The following F5 variants were observed in gnomAD, a reference collection of about 807,000 sequenced individuals.
F5 encodes activated protein c cofactor.
A neutral mutation model predicts 216.4 loss-of-function variants in F5; 138 were observed. The observed-to-expected ratio is 0.64, with a 90% confidence interval of 0.56 to 0.73. F5 has a LOEUF of 0.73. Ranked by LOEUF, F5 falls within the 30% of genes least tolerant of loss-of-function variation. F5 has a pLI of 0.00. For synonymous variants in F5, 916 were observed against 930.7 expected (o/e 0.98, Z 0.29); for missense variants, 2,403 against 2,674.0 (o/e 0.90, Z 2.24).
In F5 at chr1:169,518,272, G is replaced by A. The variant is rs1225209689; in HGVS notation, c.6345+140C>T. Reference sequence around the variant, plus strand: ...AAGCTATCAAGTCCACAGACATCCTGGACTCTTGGACCTAGGATTTTAATC... The same window carrying A: ...AAGCTATCAAGTCCACAGACATCCTAGACTCTTGGACCTAGGATTTTAATC... On this transcript the variant is annotated intron_variant, in intron 23 of 24. Coordinates refer to ENST00000367797, the MANE Select transcript of F5 (RefSeq NM_000130.5). The A allele has an allele frequency of 5.2e-6, 5 of 955,606 alleles. No homozygotes were observed. In the East Asian group the frequency reaches 1.2e-4, roughly 24 times the overall value. 59.2% of individuals were successfully genotyped at this position (955,606 alleles called of 1,614,324 possible).
intron 22 of F5, among the ~76,000 whole-genome samples, chr1:169,519,420 A>C (rs1659232377): frequency 6.6e-6 from 1 of 152,172 alleles, no homozygotes; most frequent in African/African-American, 2.4e-5. Context: ...ATCTATTTAT[A>C]CCATATGGAA....
intron 23 of F5, among the ~76,000 whole-genome samples, chr1:169,516,146 CT>C (rs1659149428): frequency 3.3e-5 from 5 of 152,248 alleles, no homozygotes; most frequent in South Asian, 2.1e-4. Flanking sequence ...CTCTTTCCCC[CT>C]GTTAATGTCA....
At position 169,550,045 on chromosome 1, in the gene F5, C is replaced by T. The variant is rs760576933; in HGVS notation, c.1397-30G>A. ...AAGAAAATATATTCAAAATTGTTTTCATTTGCAAAGTTATTTCATGATAAT... is the reference window on the plus strand; with the variant it reads ...AAGAAAATATATTCAAAATTGTTTTTATTTGCAAAGTTATTTCATGATAAT... On this transcript the variant is annotated intron_variant, in intron 9 of 24. Coordinates refer to ENST00000367797, the MANE Select transcript of F5 (RefSeq NM_000130.5). The T allele has an allele frequency of 3.2e-6, 5 of 1,565,198 alleles. No homozygotes were observed. The South Asian group carries it at 5.6e-5, about 17-fold the overall frequency.
rs924877893 is a variant in F5, at chr1:169,548,648, A to G, written c.1611+1153T>C. Reference sequence around the variant, plus strand: ...TTTGGGAGGCTGAGGCAGGTGGAACACCTTAGGTCAGGAGTTCGAGACCAG... The same window carrying G: ...TTTGGGAGGCTGAGGCAGGTGGAACGCCTTAGGTCAGGAGTTCGAGACCAG... On this transcript the variant is annotated intron_variant, in intron 10 of 24. Coordinates refer to ENST00000367797, the MANE Select transcript of F5 (RefSeq NM_000130.5). 2.6e-5 allele frequency among the ~76,000 whole-genome samples: 4 copies of G among 152,096 alleles called. No homozygotes were observed. The East Asian group carries it at 7.7e-4, about 29-fold the overall frequency.
At position 169,549,790 on chromosome 1, in the gene F5, G is replaced by A. The variant is rs1376251791; in HGVS notation, c.1611+11C>T. ...CAGAATTTCTGAAAGGTTACTTCAAGGACAAAATACCTGTATTCCTCGCCT... is the reference window on the plus strand; with the variant it reads ...CAGAATTTCTGAAAGGTTACTTCAAAGACAAAATACCTGTATTCCTCGCCT... On this transcript the variant is annotated intron_variant, in intron 10 of 24. Transcript: ENST00000367797. 6.2e-7 allele frequency: 1 copy of A among 1,604,788 alleles called. No individual in the cohort carries two copies. The highest frequency in any genetic ancestry group is 2.2e-5 in the East Asian group (1 of 44,796).
At chr1:169,536,320 T>C (rs1455087905) in intron 14 of F5, among the ~76,000 whole-genome samples, 186 bp downstream of exon 14, 2 of 75,966 alleles carry the variant, frequency 2.6e-5, no homozygotes, top group African/African-American at 4.9e-5. Context: ...AAATGAGATC[T>C]TTTTTTTTTT....
rs903569717 is a variant in F5, at chr1:169,513,909, A to G, written c.*404T>C. ...ACTCAAGAAAAACCATTAAAAAATC[A>G]TGTGTTTGTGAAAGTTATCCAGGTC... On this transcript the variant is annotated 3_prime_UTR_variant, in exon 25 of 25. Coordinates refer to ENST00000367797, the MANE Select transcript of F5 (RefSeq NM_000130.5). Among the ~76,000 whole-genome samples the G allele has an allele frequency of 1.3e-5, 2 of 152,144 alleles. No homozygotes were observed. Among genetic ancestry groups the G allele is most frequent in the African/African-American group, 4.8e-5 (2 of 41,456 alleles).
intron 23 of F5, 124 bp from the exon 24 acceptor site, chr1:169,515,750 TCA>T (rs1308520086): frequency 4.4e-6 from 4 of 915,632 alleles, no homozygotes; most frequent in Non-Finnish European, 6.8e-6. Context: ...CCCTTAGGAT[TCA>T]CAGTCTCCTA....
At chr1:169,518,941 A>T (rs1462138444) in intron 22 of F5, among the ~76,000 whole-genome samples, 1 of 152,214 alleles carries the variant, frequency 6.6e-6, no homozygotes, top group Non-Finnish European at 1.5e-5. Context: ...CAATAATCCT[A>T]AATTATCTAT....
chr1:169,542,656 G>T lies in F5; in HGVS notation c.2434C>A (p.His812Asn), dbSNP rs1310289906. 3 of 1,614,124 alleles carry T rather than the reference G, an allele frequency of 1.9e-6. No homozygotes were observed. Among genetic ancestry groups the T allele is most frequent in the Middle Eastern group, 1.6e-4 (1 of 6,062 alleles). ...AGAACTGAGTTCTTGCCAATGAGGT[G>T]TCTCAGTGGGGAACCAGCTGTGGTG... ...QATTAGSPLR[H>N]LIGKNSVLNS... The change falls in exon 13 of 25, where the codon CAC (histidine) becomes AAC (asparagine). Residue 812 changes from histidine (H) to asparagine (N), a missense_variant. Physicochemically the swap from His to Asn is moderately conservative, Grantham distance 68. Around this residue, in one of 4 missense-constraint regions of F5, gnomAD observed 1,425 missense variants for 1,554.8 expected, o/e 0.92. Coordinates refer to ENST00000367797, the MANE Select transcript of F5 (RefSeq NM_000130.5).
rs1464746280 is a variant in F5, at chr1:169,529,696, A to AT, written c.5330dup (p.Asp1777GlufsTer2). 1.9e-6 allele frequency: 3 copies of AT among 1,613,860 alleles called. No homozygotes were observed. The highest frequency in any genetic ancestry group is 2.5e-6 in the Non-Finnish European group (3 of 1,179,820). ...TTTCATAGTACCAGCTCTTCTTTTC[A>AT]TCAAAGGTCATAAATAGTAAGACAA... On this transcript the variant is annotated frameshift_variant, in exon 16 of 25. Coordinates refer to ENST00000367797, the MANE Select transcript of F5 (RefSeq NM_000130.5). LOFTEE classifies it high-confidence loss of function.
chr1:169,553,536 A>G (rs371862856), intron 7 of F5, among the ~76,000 whole-genome samples: 16 of 152,262 alleles, frequency 1.1e-4, no homozygotes, highest in South Asian at 6.2e-4. Flanking sequence ...GTGAAACCCC[A>G]TCTCTACTAA....
chr1:169,554,526 C>T (rs1660265387), intron 7 of F5, among the ~76,000 whole-genome samples: 1 of 152,200 alleles, frequency 6.6e-6, no homozygotes, highest in African/African-American at 2.4e-5. Context: ...GTACATACAT[C>T]ATTTCACCTG....
In F5 at chr1:169,586,459, C is replaced by G. The variant is rs1275972145; in HGVS notation, c.-73G>C. 6.4e-7 allele frequency: 1 copy of G among 1,557,288 alleles called. No homozygotes were observed. The highest frequency in any genetic ancestry group is 8.7e-7 in the Non-Finnish European group (1 of 1,155,852). ...AGCGCTTGCCGAGCTGCTAACCACACTCCGGGCTGTCCCAGCTGCAATGAG... is the reference window on the plus strand; with the variant it reads ...AGCGCTTGCCGAGCTGCTAACCACAGTCCGGGCTGTCCCAGCTGCAATGAG... On this transcript the variant is annotated 5_prime_UTR_variant, in exon 1 of 25. Coordinates refer to ENST00000367797, the MANE Select transcript of F5 (RefSeq NM_000130.5).
chr1:169,580,198 C>T (rs1660957152), intron 2 of F5, among the ~76,000 whole-genome samples: 1 of 152,090 alleles, frequency 6.6e-6, no homozygotes, highest in Non-Finnish European at 1.5e-5. Flanking sequence ...GGAGATAGGT[C>T]TCCTATGTCC....
At position 169,572,259 on chromosome 1, in the gene F5, A is replaced by T; in HGVS notation, c.335T>A (p.Ile112Asn). 6.2e-7 allele frequency: 1 copy of T among 1,613,180 alleles called. No individual in the cohort carries two copies. The highest frequency in any genetic ancestry group is 8.5e-7 in the Non-Finnish European group (1 of 1,179,598). ...ACTGTACCTAATTCCTTGAGGATGG[A>T]TGCTCAAGGGCTTATCTGCCTTATT... ...FKNKADKPLS[I>N]HPQGIRYSKL... is the part of the protein sequence containing the mutation. Residue 112 changes from isoleucine to asparagine, a missense_variant, in exon 3 of 25, where the codon ATC (isoleucine) becomes AAC (asparagine). Ile to Asn is a moderately radical substitution (Grantham distance 149). This residue lies in a region of F5 where 1,425 missense variants were observed against 1,554.8 expected (regional missense o/e 0.92). Transcript: ENST00000367797.
intron 23 of F5, among the ~76,000 whole-genome samples, chr1:169,516,663 A>G (rs934116348): frequency 1.3e-5 from 2 of 152,228 alleles, no homozygotes; most frequent in Admixed American, 1.3e-4. Context: ...GAGTATAACC[A>G]GCTAGAGGTT....
intron 14 of F5, among the ~76,000 whole-genome samples, chr1:169,533,501 C>A (rs953253181): frequency 6.6e-6 from 1 of 152,102 alleles, no homozygotes; most frequent in Non-Finnish European, 1.5e-5. Context: ...ATGTATCTGA[C>A]AAAGGTCTAA....
intron 10 of F5, among the ~76,000 whole-genome samples, chr1:169,548,757 T>C (rs1283106896): frequency 6.6e-6 from 1 of 151,440 alleles, no homozygotes; most frequent in Admixed American, 6.6e-5. Context: ...TAATCCCAGC[T>C]ACTCAAGAGA....
Sources: allele counts gnomAD v4.1 joint callset (sites outside exome capture counted in the v4.1 genomes callset), GRCh38; gene constraint gnomAD v4.1.1; regional missense constraint gnomAD v4.1.1; transcripts MANE v1.5; gene names NCBI Gene and HGNC (gene_info 2026-07-23, HGNC 2026-07-21).